The following RPS6KC1 variants were observed in gnomAD, a reference collection of about 807,000 sequenced individuals.
RPS6KC1 encodes inactive ribosomal protein S6 kinase delta-1.
Under a neutral mutation model 103.8 loss-of-function variants are expected in RPS6KC1, and 54 were observed. That is an observed-to-expected ratio of 0.52 (90% CI 0.42 to 0.65). RPS6KC1 has a LOEUF of 0.65. Among genes scored for constraint, RPS6KC1 ranks in the 30% least tolerant of loss-of-function variants. The pLI, the probability that RPS6KC1 is intolerant of heterozygous loss-of-function variation, is 0.00. For missense variants in RPS6KC1, 1,151 were observed against 1,253.8 expected (o/e 0.92, Z 1.24); for synonymous variants, 439 against 438.7 (o/e 1.00, Z -0.01).
At chr1:213,428,618 C>CTCTT in the RPS6KC1 span, 4 of 128,076 alleles carry the variant, frequency 3.1e-5, no homozygotes, top group African/African-American at 6.0e-5. Context: ...CTCCCTCTCT[C>CTCTT]TCTTTCTTTC....
chr1:213,732,354 C>CGTGTGTGT, the RPS6KC1 span, among the ~76,000 whole-genome samples: 31,646 of 150,086 alleles, frequency 0.21, 3,693 homozygotes, highest in East Asian at 0.49. Flanking sequence ...TATGAGTGTG[C>CGTGTGTGT]GTGTGCGTGT....
At chr1:213,286,249 A>G in the RPS6KC1 span, among the ~76,000 whole-genome samples, 144 of 152,360 alleles carry the variant, frequency 9.5e-4, 1 homozygote, top group African/African-American at 3.1e-3. Flanking sequence ...TGTCCAACTT[A>G]GCAGAGAGTG....
At chr1:213,642,589 C>T in the RPS6KC1 span, among the ~76,000 whole-genome samples, 1 of 151,772 alleles carries the variant, frequency 6.6e-6, no homozygotes, top group African/African-American at 2.4e-5. Flanking sequence ...GAATATCAAG[C>T]CTTTGATTAT....
chr1:213,542,104 A>G, the RPS6KC1 span, among the ~76,000 whole-genome samples: 1 of 152,134 alleles, frequency 6.6e-6, no homozygotes, highest in African/African-American at 2.4e-5. Context: ...GGAATAATTG[A>G]TCCACTTATA....
chr1:213,722,414 C>T, the RPS6KC1 span, among the ~76,000 whole-genome samples: 55 of 152,284 alleles, frequency 3.6e-4, no homozygotes, highest in African/African-American at 1.2e-3. Flanking sequence ...TACAGTTACA[C>T]GTCCCAATAT....
chr1:213,114,089 C>T (rs1254057197), intron 4 of RPS6KC1, among the ~76,000 whole-genome samples: 1 of 151,920 alleles, frequency 6.6e-6, no homozygotes, highest in African/African-American at 2.4e-5. Flanking sequence ...TTTTCCAATT[C>T]TGTGAAGAAA....
chr1:213,700,305 CTG>C, the RPS6KC1 span, among the ~76,000 whole-genome samples: 1 of 151,950 alleles, frequency 6.6e-6, no homozygotes, highest in Non-Finnish European at 1.5e-5. Flanking sequence ...ATTGAAGAGA[CTG>C]TCTTTTCCCT....
the RPS6KC1 span, chr1:213,820,447 C>G: frequency 6.6e-6 from 1 of 152,216 alleles, no homozygotes; most frequent in Middle Eastern, 3.2e-3. Flanking sequence ...CACATATACA[C>G]ACACTTTGAA....
chr1:213,548,575 C>T, the RPS6KC1 span, among the ~76,000 whole-genome samples: 5,766 of 152,220 alleles, frequency 0.038, 363 homozygotes, highest in African/African-American at 0.13. Flanking sequence ...GTGGGAGAAT[C>T]GCTTGAACCT....
the RPS6KC1 span, among the ~76,000 whole-genome samples, chr1:213,831,032 TGCCAGAGG>T: frequency 1.3e-5 from 2 of 152,324 alleles, no homozygotes; most frequent in Admixed American, 6.5e-5. Flanking sequence ...AGTTCCTGCA[TGCCAGAGG>T]GCTCCTATTC....
chr1:213,247,033 CAG>C (rs1418904603), intron 12 of RPS6KC1, among the ~76,000 whole-genome samples: 1 of 152,202 alleles, frequency 6.6e-6, no homozygotes, highest in African/African-American at 2.4e-5. Flanking sequence ...GGTATCCTAT[CAG>C]TGTGTGTCCT....
At chr1:213,129,415 C>T (rs750632924) in intron 5 of RPS6KC1, 112 bp from the exon 6 acceptor site, 11 of 1,193,594 alleles carry the variant, frequency 9.2e-6, no homozygotes, top group Admixed American at 4.8e-5. Context: ...CAGTAAATTA[C>T]AGCCTTCCAA....
At chr1:213,669,550 G>T in the RPS6KC1 span, among the ~76,000 whole-genome samples, 2 of 152,102 alleles carry the variant, frequency 1.3e-5, no homozygotes, top group East Asian at 3.9e-4. Context: ...TTACCAAAAT[G>T]TTACACAGAG....
chr1:213,486,170 A>G, the RPS6KC1 span, among the ~76,000 whole-genome samples: 2 of 152,230 alleles, frequency 1.3e-5, no homozygotes, highest in Admixed American at 1.3e-4. Context: ...AAAGGCAGGT[A>G]AAATACATAT....
chr1:213,167,413 G>C lies in RPS6KC1; in HGVS notation c.836-445G>C, dbSNP rs561532700. Among the ~76,000 whole-genome samples the C allele has an allele frequency of 3.6e-4, 50 of 138,640 alleles. 1 individual carries two copies. The South Asian group carries it at 0.012, about 34-fold the overall frequency. 91.0% of individuals were successfully genotyped at this position (138,640 alleles called of 152,430 possible). ...AGGAAACATTGTTTTGTAGGATTTG[G>C]TTTTTAGAAAAAAACCAAGGTTGAA... is the stretch of plus-strand genomic sequence containing the variant. On this transcript the variant is annotated intron_variant, in intron 6 of 14. Transcript: ENST00000366960.
At chr1:213,304,767 G>A in the RPS6KC1 span, among the ~76,000 whole-genome samples, 30 of 151,908 alleles carry the variant, frequency 2.0e-4, no homozygotes, top group African/African-American at 6.8e-4. Flanking sequence ...TCTCGAACTC[G>A]TGACCTGAGG....
chr1:213,282,486 G>T, the RPS6KC1 span, among the ~76,000 whole-genome samples: 1 of 152,234 alleles, frequency 6.6e-6, no homozygotes, highest in Non-Finnish European at 1.5e-5. Flanking sequence ...GGGAGTGCAT[G>T]ATAACAGCTT....
At chr1:213,167,489 C>A (rs2359553) in intron 6 of RPS6KC1, among the ~76,000 whole-genome samples, 7,710 of 125,928 alleles carry the variant, frequency 0.061, 423 homozygotes, top group African/African-American at 0.1. Flanking sequence ...CACACACACA[C>A]AACAGCTGTT....
the RPS6KC1 span, among the ~76,000 whole-genome samples, chr1:213,338,728 G>A: frequency 0.13 from 19,164 of 151,002 alleles, 1,803 homozygotes; most frequent in African/African-American, 0.26. Flanking sequence ...AGAATGTGTG[G>A]TAGAAGTGAT....
Sources: allele counts gnomAD v4.1 joint callset (sites outside exome capture counted in the v4.1 genomes callset), GRCh38; gene constraint gnomAD v4.1.1; transcripts MANE v1.5; gene names NCBI Gene and HGNC (gene_info 2026-07-23, HGNC 2026-07-21).